The following CLYBL variants were observed in gnomAD, a reference collection of about 807,000 sequenced individuals.
CLYBL encodes the protein citramalyl-CoA lyase.
Under a neutral mutation model 38.9 loss-of-function variants are expected in CLYBL, and 31 were observed. The ratio of observed to expected loss-of-function variants is 0.80; its 90% CI spans 0.60 to 1.08. The LOEUF (loss-of-function observed/expected upper bound fraction) is 1.08. CLYBL is among the 50% of genes least tolerant of loss of function. The pLI is 0.00. For synonymous variants in CLYBL, 171 were observed against 158.6 expected, an observed-to-expected ratio of 1.08 and a Z score of -0.59; for missense variants, 434 against 411.6, an observed-to-expected ratio of 1.05 and a Z score of -0.47.
At chr13:99,853,322 G>A (rs2051376955) in intron 2 of CLYBL, among the ~76,000 whole-genome samples, 1 of 151,952 alleles carries the variant, frequency 6.6e-6, no homozygotes, top group Admixed American at 6.6e-5. Flanking sequence ...TTGAATGAAA[G>A]CCAATTTAGC....
At chr13:99,733,818 C>A (rs575246811) in intron 1 of CLYBL, among the ~76,000 whole-genome samples, 3 of 152,370 alleles carry the variant, frequency 2.0e-5, no homozygotes, top group Middle Eastern at 3.4e-3. Flanking sequence ...GGGAGCAGTG[C>A]AGCTTCCATC....
At chr13:99,836,614 C>T (rs1488350535) in intron 2 of CLYBL, among the ~76,000 whole-genome samples, 2 of 152,184 alleles carry the variant, frequency 1.3e-5, no homozygotes, top group Non-Finnish European at 1.5e-5. Flanking sequence ...TGATGGATTA[C>T]AGGGATCTGT....
chr13:99,657,069 G>A (rs2047340622), intron 1 of CLYBL, among the ~76,000 whole-genome samples: 1 of 152,188 alleles, frequency 6.6e-6, no homozygotes, highest in Admixed American at 6.5e-5. Flanking sequence ...TGGACATCTT[G>A]GGGAGCTGCT....
chr13:99,749,084 G>A (rs2048908286), intron 1 of CLYBL, among the ~76,000 whole-genome samples: 1 of 151,754 alleles, frequency 6.6e-6, no homozygotes, highest in South Asian at 2.1e-4. Context: ...AGAGGCTAAG[G>A]TATGAGAATT....
chr13:99,899,640 T>C (rs2052619602), downstream of CLYBL, among the ~76,000 whole-genome samples: 1 of 152,202 alleles, frequency 6.6e-6, no homozygotes, highest in Non-Finnish European at 1.5e-5. Context: ...AATGCCACAG[T>C]GCTTAAAATT....
At chr13:99,876,546 C>G (rs76450195) in intron 7 of CLYBL, among the ~76,000 whole-genome samples, 1 of 151,238 alleles carries the variant, frequency 6.6e-6, no homozygotes, top group Non-Finnish European at 1.5e-5. Flanking sequence ...TATTCTTTAT[C>G]CAGGTTCATA....
intron 1 of CLYBL, among the ~76,000 whole-genome samples, chr13:99,734,418 AAACGGAGGAGAATGT>A (rs924829987): frequency 6.6e-6 from 1 of 152,150 alleles, no homozygotes; most frequent in African/African-American, 2.4e-5. Flanking sequence ...AAAAAAAACA[AAACGGAGGAGAATGT>A]AACGTTGGCC....
At chr13:99,640,864 C>T (rs1248635743) in intron 1 of CLYBL, among the ~76,000 whole-genome samples, 3 of 152,320 alleles carry the variant, frequency 2.0e-5, no homozygotes, top group African/African-American at 2.4e-5. Flanking sequence ...TAAATGCACA[C>T]GTGGATATAT....
chr13:99,846,286 A>ATTTTTTTTTTTTTTTTTTT (rs5806139), intron 2 of CLYBL, among the ~76,000 whole-genome samples: 1 of 108,144 alleles, frequency 9.2e-6, no homozygotes, highest in African/African-American at 3.3e-5. Flanking sequence ...TTGTGTGGAG[A>ATTTTTTTTTTTTTTTTTTT]TTTTTTTTTT....
intron 7 of CLYBL, among the ~76,000 whole-genome samples, chr13:99,889,766 A>G (rs2052441068): frequency 6.6e-6 from 1 of 152,176 alleles, no homozygotes; most frequent in South Asian, 2.1e-4. Flanking sequence ...TCCTATGTAT[A>G]ACCGTAAGTT....
At chr13:99,794,934 A>T (rs1053850447) in intron 2 of CLYBL, among the ~76,000 whole-genome samples, 20 of 152,160 alleles carry the variant, frequency 1.3e-4, no homozygotes, top group Admixed American at 1.2e-3. Flanking sequence ...GTGTATTTTA[A>T]GTCATAATTT....
chr13:99,729,391 G>A (rs1216649731), intron 1 of CLYBL, among the ~76,000 whole-genome samples: 2 of 152,186 alleles, frequency 1.3e-5, no homozygotes, highest in Non-Finnish European at 2.9e-5. Flanking sequence ...TATGCTGAAG[G>A]AAAAGACATA....
At chr13:99,732,176 T>G (rs1043208885) in intron 1 of CLYBL, among the ~76,000 whole-genome samples, 1 of 147,752 alleles carries the variant, frequency 6.8e-6, no homozygotes, top group African/African-American at 2.5e-5. Context: ...GCAGTTTTTT[T>G]TTTTTTTTTT....
At chr13:99,852,080 C>A (rs547997468) in intron 2 of CLYBL, among the ~76,000 whole-genome samples, 2 of 152,224 alleles carry the variant, frequency 1.3e-5, no homozygotes, top group South Asian at 4.2e-4. Flanking sequence ...AGAAGGCAGT[C>A]AGAGAAGACT....
intron 1 of CLYBL, among the ~76,000 whole-genome samples, chr13:99,718,455 G>A (rs947669013): frequency 6.6e-6 from 1 of 151,776 alleles, no homozygotes; most frequent in Non-Finnish European, 1.5e-5. Flanking sequence ...GGATAAGGGA[G>A]ATTCAGGAAA....
intron 1 of CLYBL, among the ~76,000 whole-genome samples, chr13:99,769,991 A>G (rs1172789886): frequency 6.6e-6 from 1 of 152,082 alleles, no homozygotes; most frequent in Non-Finnish European, 1.5e-5. Flanking sequence ...TAGCTGACAT[A>G]TATATTTTTT....
At chr13:99,834,354 G>A (rs112818222) in intron 2 of CLYBL, among the ~76,000 whole-genome samples, 3,785 of 152,290 alleles carry the variant, frequency 0.025, 153 homozygotes, top group African/African-American at 0.085. Flanking sequence ...AGTAGGTCCT[G>A]TCCCATAATA....
chr13:99,651,245 C>G (rs1349087090), intron 1 of CLYBL, among the ~76,000 whole-genome samples: 1 of 152,182 alleles, frequency 6.6e-6, no homozygotes, highest in East Asian at 1.9e-4. Flanking sequence ...GATTGCAGGC[C>G]CAGCATCTGT....
chr13:99,873,939 G>T (rs1480996990), intron 7 of CLYBL, among the ~76,000 whole-genome samples: 1 of 151,954 alleles, frequency 6.6e-6, no homozygotes, highest in African/African-American at 2.4e-5. Context: ...TATAATGTTG[G>T]TTGACAATCA....
Sources: allele counts gnomAD v4.1 joint callset (sites outside exome capture counted in the v4.1 genomes callset), GRCh38; gene constraint gnomAD v4.1.1; transcripts MANE v1.5; gene names NCBI Gene and HGNC (gene_info 2026-07-23, HGNC 2026-07-21).